The following UNC13C variants were observed in gnomAD, a reference collection of about 807,000 sequenced individuals.
The protein encoded by UNC13C is unc-13 homolog C, also known as protein unc-13 homolog C.
UNC13C carries 174 observed loss-of-function variants against 245.4 expected under a neutral mutation model. That is an observed-to-expected ratio of 0.71 (90% confidence interval 0.63 to 0.80). The LOEUF is 0.80. Ranked by LOEUF, UNC13C falls within the 30% of genes least tolerant of loss-of-function variation. The pLI is 0.00. For missense variants in UNC13C, 2,829 were observed against 2,602.9 expected (o/e 1.09, Z -1.89); for synonymous variants, 992 against 895.1 (o/e 1.11, Z -1.93).
chr15:53,951,386 T>C, the UNC13C span, among the ~76,000 whole-genome samples: 5 of 152,264 alleles, frequency 3.3e-5, no homozygotes, highest in Admixed American at 3.3e-4. Flanking sequence ...AAGCCATTTT[T>C]TGGGCTGCCC....
intron 14 of UNC13C, among the ~76,000 whole-genome samples, chr15:54,327,474 G>A (rs937651171): frequency 2.6e-5 from 4 of 151,700 alleles, no homozygotes; most frequent in Non-Finnish European, 5.9e-5. Flanking sequence ...TGCCACATGC[G>A]TTTTAGTGAT....
the UNC13C span, among the ~76,000 whole-genome samples, chr15:53,852,606 C>T: frequency 1.3e-5 from 2 of 152,106 alleles, no homozygotes; most frequent in African/African-American, 4.8e-5. Context: ...TGACTAGGCT[C>T]TTCCAGATCA....
At chr15:54,595,462 G>A (rs935221173) in intron 30 of UNC13C, among the ~76,000 whole-genome samples, 6 of 152,028 alleles carry the variant, frequency 3.9e-5, no homozygotes, top group African/African-American at 1.4e-4. Flanking sequence ...TTCCTTCAGG[G>A]GGTCTGTGGT....
At chr15:54,082,698 G>A (rs973106590) in intron 2 of UNC13C, among the ~76,000 whole-genome samples, 5 of 152,072 alleles carry the variant, frequency 3.3e-5, no homozygotes, top group South Asian at 4.1e-4. Context: ...TTAAGGAACC[G>A]TCGCTTCTTA....
chr15:53,998,524 C>G (rs546833966), intron 1 of UNC13C, among the ~76,000 whole-genome samples: 56 of 151,954 alleles, frequency 3.7e-4, no homozygotes, highest in Non-Finnish European at 6.8e-4. Flanking sequence ...TTTGAAGATT[C>G]CTTAAGATTT....
chr15:54,285,173 A>G (rs1209798617), intron 10 of UNC13C, among the ~76,000 whole-genome samples: 1 of 152,028 alleles, frequency 6.6e-6, no homozygotes, highest in Non-Finnish European at 1.5e-5. Context: ...ATTGTTTCCT[A>G]TGTTATTGAC....
At position 54,502,413 on chromosome 15, in the gene UNC13C, A is replaced by G. The variant is rs1420849173; in HGVS notation, c.5301+1435A>G. Reference sequence around the variant, plus strand: ...CATGAAATATTCTGATCTCATCTTCATTAATTAAGACTAACCTCCTACTTT... The same window carrying G: ...CATGAAATATTCTGATCTCATCTTCGTTAATTAAGACTAACCTCCTACTTT... On this transcript the variant is annotated intron_variant, in intron 22 of 32. Transcript: ENST00000260323. Among the ~76,000 whole-genome samples, 4 of 152,192 alleles carry G rather than the reference A, an allele frequency of 2.6e-5. No individual in the cohort carries two copies. The East Asian group carries it at 7.7e-4, about 29-fold the overall frequency.
At chr15:54,124,370 T>C (rs912703421) in intron 2 of UNC13C, among the ~76,000 whole-genome samples, 72 of 152,360 alleles carry the variant, frequency 4.7e-4, no homozygotes, top group African/African-American at 1.6e-3. Flanking sequence ...CTATGGTTTT[T>C]ATTTGCATTT....
rs1247643828 is a variant in UNC13C at position 54,627,751 on chromosome 15, T to C, written c.*638T>C. 6.6e-6 allele frequency: 1 copy of C among 152,634 alleles called. No homozygotes were observed. The highest frequency in any genetic ancestry group is 1.5e-5 in the Non-Finnish European group (1 of 68,032). The allele number at this position is 152,634 out of a possible 1,614,324, so 9.5% of individuals were successfully genotyped here. A position where few individuals can be genotyped will look rare whatever the true frequency, so the allele number is the denominator to read the frequency against. ...TAGAGTTTGTTAACAATGTTTGATA[T>C]ATATTGACAAAACTTTGTTCTCTAA... On this transcript the variant is annotated 3_prime_UTR_variant, in exon 33 of 33. Transcript: ENST00000260323.
chr15:54,320,746 T>G (rs1286831907), intron 13 of UNC13C: 1 of 392,648 alleles, frequency 2.5e-6, no homozygotes, highest in Non-Finnish European at 4.9e-6. Flanking sequence ...GCCACTGCCA[T>G]AGCTACTGCT....
intron 2 of UNC13C, among the ~76,000 whole-genome samples, chr15:54,069,777 C>T (rs1319389998): frequency 1.3e-5 from 2 of 152,186 alleles, no homozygotes; most frequent in African/African-American, 4.8e-5. Flanking sequence ...ATATACCTGA[C>T]CTCCAGGGAT....
chr15:54,184,418 T>G lies in UNC13C; in HGVS notation c.3071+40734T>G, dbSNP rs546923355. Among the ~76,000 whole-genome samples the G allele has an allele frequency of 1.6e-4, 24 of 152,064 alleles. No homozygotes were observed. The East Asian group carries it at 4.5e-3, about 28-fold the overall frequency. On this transcript the variant is annotated intron_variant, in intron 4 of 32. Coordinates refer to ENST00000260323, the MANE Select transcript of UNC13C (RefSeq NM_001080534.3). Reference sequence around the variant, plus strand: ...ATCTCCTAATGCTATCCCTCCCCGCTTCCCCCACCCCACAACAGTCCCCGG... The same window carrying G: ...ATCTCCTAATGCTATCCCTCCCCGCGTCCCCCACCCCACAACAGTCCCCGG...
At position 54,508,704 on chromosome 15, in the gene UNC13C, A is replaced by G. The variant is rs1402401242; in HGVS notation, c.5379+1510A>G. ...GGTTACTAGGCTTATGTTTTCATTC[A>G]AGGCAAATTGAAATGCTTTTGTACA... On this transcript the variant is annotated intron_variant, in intron 23 of 32. Transcript: ENST00000260323. Among the ~76,000 whole-genome samples the G allele has an allele frequency of 3.3e-5, 5 of 152,262 alleles. No individual in the cohort carries two copies. In the East Asian group the frequency reaches 9.7e-4, roughly 29 times the overall value.
At chr15:53,954,232 T>C in the UNC13C span, among the ~76,000 whole-genome samples, 17 of 152,208 alleles carry the variant, frequency 1.1e-4, no homozygotes, top group Non-Finnish European at 2.1e-4. Flanking sequence ...TCTTACATCA[T>C]GTTCCATGTG....
At chr15:54,130,308 T>TG (rs758461680) in intron 2 of UNC13C, among the ~76,000 whole-genome samples, 1 of 119,520 alleles carries the variant, frequency 8.4e-6, no homozygotes, top group South Asian at 2.7e-4. Flanking sequence ...TTTTTTTTTT[T>TG]GTGAGACGGA....
the UNC13C span, among the ~76,000 whole-genome samples, chr15:53,909,329 G>A: frequency 6.8e-6 from 1 of 146,460 alleles, no homozygotes; most frequent in East Asian, 2.0e-4. Context: ...CATATTAAAT[G>A]ATATATCTAA....
chr15:54,115,888 C>A (rs1273855416), intron 2 of UNC13C, among the ~76,000 whole-genome samples: 1 of 151,902 alleles, frequency 6.6e-6, no homozygotes, highest in African/African-American at 2.4e-5. Flanking sequence ...ACTTTGATGA[C>A]CTGGTAAGGC....
At chr15:54,149,973 TGAGTATC>T in intron 4 of UNC13C, among the ~76,000 whole-genome samples, 1 of 152,334 alleles carries the variant, frequency 6.6e-6, no homozygotes, top group Admixed American at 6.5e-5. Context: ...ATAAGGCAGT[TGAGTATC>T]TGCAGATTTT....
At chr15:53,958,231 A>G in the UNC13C span, among the ~76,000 whole-genome samples, 1 of 152,210 alleles carries the variant, frequency 6.6e-6, no homozygotes, top group African/African-American at 2.4e-5. Context: ...AAATCAGAAC[A>G]AACCGAAATT....
Sources: gnomAD v4.1 joint callset for allele counts (sites outside exome capture counted in the v4.1 genomes callset) on GRCh38, gnomAD v4.1.1 for gene constraint, MANE v1.5 for transcripts, NCBI Gene and HGNC (gene_info 2026-07-23, HGNC 2026-07-21) for gene names.